Variants in CACNA1C observed in about 807,000 individuals in gnomAD.
CACNA1C encodes the protein voltage-dependent L-type calcium channel subunit alpha-1C.
A neutral mutation model predicts 229.0 loss-of-function variants in CACNA1C; 30 were observed. The ratio of observed to expected loss-of-function variants is 0.13; its 90% CI spans 0.10 to 0.18. The LOEUF (loss-of-function observed/expected upper bound fraction) is 0.18. CACNA1C is among the 10% of genes least tolerant of loss of function. CACNA1C has a pLI of 1.00. For missense variants in CACNA1C, 1,658 were observed against 2,845.0 expected (o/e 0.58, Z 9.49); for synonymous variants, 1,114 against 1,132.5 (o/e 0.98, Z 0.33).
At chr12:2,463,061 C>T (rs537580295) in intron 5 of CACNA1C, among the ~76,000 whole-genome samples, 86 of 149,272 alleles carry the variant, frequency 5.8e-4, no homozygotes, top group Middle Eastern at 3.4e-3. Flanking sequence ...TATAGGCACC[C>T]GCCACCACGC....
chr12:2,070,756 G>T (rs1471115526), intron 1 of CACNA1C, among the ~76,000 whole-genome samples: 1 of 152,130 alleles, frequency 6.6e-6, no homozygotes, highest in African/African-American at 2.4e-5. Flanking sequence ...GAGTTGGTGA[G>T]ATACTTCAAC....
intron 3 of CACNA1C, among the ~76,000 whole-genome samples, chr12:2,139,538 AGAGTGTTTCTTGAAG>A (rs1262131327): frequency 6.6e-6 from 1 of 151,056 alleles, no homozygotes; most frequent in East Asian, 1.9e-4. Flanking sequence ...CCAGGCTGTT[AGAGTGTTTCTTGAAG>A]GAAGGTGTGC....
rs1027372322 is a variant in CACNA1C at position 2,697,768 on chromosome 12, C to G, written c.*6569C>G. Reference sequence around the variant, plus strand: ...CTCGCCTGATGGGCCTTCTCACCCTCGAGAAAGGCCAGGGAATCTAGAAGG... The same window carrying G: ...CTCGCCTGATGGGCCTTCTCACCCTGGAGAAAGGCCAGGGAATCTAGAAGG... On this transcript the variant is annotated 3_prime_UTR_variant, in exon 47 of 47. Coordinates refer to ENST00000399655, the MANE Select transcript of CACNA1C (RefSeq NM_000719.7). 1.3e-5 allele frequency: 2 copies of G among 152,456 alleles called. No individual in the cohort carries two copies. 9.4% of individuals were successfully genotyped at this position (152,456 alleles called of 1,614,324 possible).
At chr12:2,469,829 A>T (rs2099581174) in intron 5 of CACNA1C, among the ~76,000 whole-genome samples, 1 of 152,158 alleles carries the variant, frequency 6.6e-6, no homozygotes. Context: ...TAATGCCTTG[A>T]TCATATGTTT....
intron 3 of CACNA1C, among the ~76,000 whole-genome samples, chr12:2,330,209 G>A (rs528708802): frequency 1.7e-4 from 26 of 152,190 alleles, no homozygotes; most frequent in South Asian, 6.2e-4. Context: ...ATTTGCCTAC[G>A]TAGGTCAATG....
chr12:2,606,565 T>G, intron 24 of CACNA1C, 46 bp from the exon 25 acceptor site: 1 of 1,497,144 alleles, frequency 6.7e-7, no homozygotes, highest in Non-Finnish European at 9.2e-7. Context: ...TTGGATTGAC[T>G]CATTGATTAC....
At chr12:2,464,713 A>G (rs2099538809) in intron 5 of CACNA1C, among the ~76,000 whole-genome samples, 1 of 152,236 alleles carries the variant, frequency 6.6e-6, no homozygotes, top group African/African-American at 2.4e-5. Context: ...TATATCTGGA[A>G]GCACACAGAA....
At chr12:2,688,418 A>G (rs761062006) in intron 45 of CACNA1C, 29 bp from the exon 46 acceptor site, 1 of 1,610,576 alleles carries the variant, frequency 6.2e-7, no homozygotes, top group African/African-American at 1.3e-5. Context: ...GGCCACTCCT[A>G]TTAACTCACA....
At chr12:2,593,124 A>C in intron 18 of CACNA1C, 89 bp from the exon 19 acceptor site, 1 of 1,423,184 alleles carries the variant, frequency 7.0e-7, no homozygotes, top group East Asian at 2.4e-5. Context: ...TCAGAGCCAT[A>C]ATCATGTCTG....
rs190310977 is a variant in CACNA1C, at chr12:2,602,442, G to A, written c.2960+482G>A. Among the ~76,000 whole-genome samples, 17 of 152,200 alleles carry A rather than the reference G, an allele frequency of 1.1e-4. No homozygotes were observed. The highest frequency in any genetic ancestry group is 3.9e-4 in the Admixed American group (6 of 15,274). On this transcript the variant is annotated intron_variant, in intron 22 of 46. Coordinates refer to ENST00000399655, the MANE Select transcript of CACNA1C (RefSeq NM_000719.7). The surrounding 1 kb of genome is among the most constrained non-coding windows in gnomAD (Gnocchi z 4.4). ...GTCTGTGTAAGTGTGGGGTGTATGTGTGCACGTGTGTGGATGTGTGGGGTG... is the reference window on the plus strand; with the variant it reads ...GTCTGTGTAAGTGTGGGGTGTATGTATGCACGTGTGTGGATGTGTGGGGTG...
At chr12:2,339,906 T>G (rs950506713) in intron 3 of CACNA1C, among the ~76,000 whole-genome samples, 1 of 152,270 alleles carries the variant, frequency 6.6e-6, no homozygotes, top group Non-Finnish European at 1.5e-5. Flanking sequence ...TACTCTCTTT[T>G]ATGTGTATAT....
At chr12:2,280,229 A>G (rs372369527) in intron 3 of CACNA1C, among the ~76,000 whole-genome samples, 364 of 100,202 alleles carry the variant, frequency 3.6e-3, no homozygotes, top group South Asian at 0.019. Flanking sequence ...GCTTCGGTTT[A>G]ACCTCTTGAG....
chr12:2,363,768 T>C (rs1271512363), intron 3 of CACNA1C, among the ~76,000 whole-genome samples: 1 of 152,202 alleles, frequency 6.6e-6, no homozygotes, highest in Non-Finnish European at 1.5e-5. Context: ...TGTCTTGGAC[T>C]GGATAATGGT....
Position 2,504,328 on chromosome 12 carries a change from C to T in CACNA1C, c.1114-514C>T. The T allele has an allele frequency of 1.5e-6, 1 of 689,260 alleles. No homozygotes were observed. The highest frequency in any genetic ancestry group is 2.7e-6 in the Non-Finnish European group (1 of 375,092). The allele number at this position is 689,260 out of a possible 1,614,324, so 42.7% of individuals were successfully genotyped here. On this transcript the variant is annotated intron_variant, in intron 7 of 46. Coordinates refer to ENST00000399655, the MANE Select transcript of CACNA1C (RefSeq NM_000719.7). This position sits in a 1 kb window ranked among gnomAD's most constrained non-coding sequence, Gnocchi z 6.8. ...TAACCTGGTGCACATGAACAAAGCC[C>T]ACGTTCAGCCCCGTCTGTCCCCTCC...
At chr12:2,342,251 G>A (rs1020635432) in intron 3 of CACNA1C, among the ~76,000 whole-genome samples, 6 of 152,074 alleles carry the variant, frequency 3.9e-5, no homozygotes, top group African/African-American at 1.2e-4. Context: ...TCAGGGCATC[G>A]TTCTGTTTGT....
At chr12:2,250,728 C>A (rs991625531) in intron 3 of CACNA1C, among the ~76,000 whole-genome samples, 2 of 152,220 alleles carry the variant, frequency 1.3e-5, no homozygotes, top group Non-Finnish European at 2.9e-5. Flanking sequence ...GGCACTCATT[C>A]CATTGTCTAA....
At chr12:2,534,750 C>T (rs911754740) in intron 9 of CACNA1C, among the ~76,000 whole-genome samples, 5 of 152,344 alleles carry the variant, frequency 3.3e-5, no homozygotes, top group African/African-American at 1.2e-4. Context: ...GTGCAGTGCC[C>T]TCTAAAACTA....
At chr12:2,113,591 C>T (rs1014540368) in intron 1 of CACNA1C, among the ~76,000 whole-genome samples, 43 of 152,202 alleles carry the variant, frequency 2.8e-4, no homozygotes, top group African/African-American at 1.0e-3. Context: ...ACTGGTCTGG[C>T]TGCTTCGGCC....
chr12:2,584,403 G>T, intron 15 of CACNA1C, 100 bp from the exon 16 acceptor site: 1 of 770,358 alleles, frequency 1.3e-6, no homozygotes, highest in South Asian at 1.5e-5. Context: ...AGCTCTCTCT[G>T]CTGAGGAGCT....
Sources: gnomAD v4.1 joint callset for allele counts (sites outside exome capture counted in the v4.1 genomes callset) on GRCh38, gnomAD v4.1.1 for gene constraint, Gnocchi (gnomAD v3.1) non-coding constraint, MANE v1.5 for transcripts, NCBI Gene and HGNC (gene_info 2026-07-23, HGNC 2026-07-21) for gene names.